Variants in ZSCAN30 observed in about 807,000 individuals in gnomAD.
The protein encoded by ZSCAN30 is zinc finger and SCAN domain containing 30.
A neutral mutation model predicts 44.3 loss-of-function variants in ZSCAN30; 37 were observed. The observed-to-expected ratio is 0.84, with a 90% CI of 0.64 to 1.10. ZSCAN30 has a LOEUF of 1.10. Among genes scored for constraint, ZSCAN30 ranks in the 50% least tolerant of loss-of-function variants. ZSCAN30 has a pLI of 0.00. For missense variants in ZSCAN30, 549 were observed against 582.6 expected, an observed-to-expected ratio of 0.94 and a Z score of 0.59; for synonymous variants, 181 against 204.6, an observed-to-expected ratio of 0.88 and a Z score of 0.98.
chr18:35,254,246 C>T lies in ZSCAN30; in HGVS notation c.689G>A (p.Gly230Glu). Residue 230 changes from glycine (G) to glutamate (E), a missense_variant, in exon 4 of 4, where the codon GGA (glycine) becomes GAA (glutamate). Gly to Glu is a moderately conservative substitution (Grantham distance 98, BLOSUM62 -2). Coordinates refer to ENST00000333206, the MANE Select transcript of ZSCAN30 (RefSeq NM_001112734.4). ...HSQRIAEEAL[G>E]GLDNSKKQKG... ...TTGCTTCTTAGAGTTGTCCAGACCT[C>T]CCAAAGCTTCTTCAGCTATCCGTTG... The T allele has an allele frequency of 5.6e-6, 9 of 1,614,140 alleles. No homozygotes were observed. Among genetic ancestry groups the T allele is most frequent in the Non-Finnish European group, 6.8e-6 (8 of 1,179,992 alleles).
chr18:35,263,483 C>T, intron 3 of ZSCAN30, 30 bp downstream of exon 3: 1 of 1,613,248 alleles, frequency 6.2e-7, no homozygotes. Context: ...CACCTCCATC[C>T]TCAACCCCAC....
chr18:35,264,506 T>C, intron 1 of ZSCAN30, 51 bp from the exon 2 acceptor site: 1 of 820,960 alleles, frequency 1.2e-6, no homozygotes, highest in Non-Finnish European at 1.8e-6. Flanking sequence ...GTACTTGGAA[T>C]ATAAATACAG....
intron 1 of ZSCAN30, among the ~76,000 whole-genome samples, chr18:35,271,214 C>G (rs778108624): frequency 6.6e-6 from 1 of 152,218 alleles, no homozygotes. Flanking sequence ...ATTCCCTTAT[C>G]TGGCCCCACC....
intron 1 of ZSCAN30, among the ~76,000 whole-genome samples, chr18:35,271,172 G>C (rs916870883): frequency 1.3e-5 from 2 of 152,158 alleles, no homozygotes; most frequent in Non-Finnish European, 2.9e-5. Flanking sequence ...ACCCCACCAG[G>C]TTCCTGCTGC....
intron 2 of ZSCAN30, 59 bp from the exon 3 acceptor site, chr18:35,263,716 A>C: frequency 6.3e-7 from 1 of 1,589,908 alleles, no homozygotes; most frequent in East Asian, 2.2e-5. Flanking sequence ...GAAAACTCCT[A>C]GAGCAACAGG....
chr18:35,271,930 G>A (rs530365366), intron 1 of ZSCAN30, among the ~76,000 whole-genome samples: 6 of 152,192 alleles, frequency 3.9e-5, no homozygotes, highest in South Asian at 2.1e-4. Flanking sequence ...GGCGCTGGCC[G>A]GCCGCTCCAA....
chr18:35,272,094 G>A (rs78521403), intron 1 of ZSCAN30, among the ~76,000 whole-genome samples: 10,874 of 152,324 alleles, frequency 0.071, 658 homozygotes, highest in East Asian at 0.24. Flanking sequence ...GCTGGCTGAA[G>A]GGCCCCTCAA....
intron 1 of ZSCAN30, among the ~76,000 whole-genome samples, chr18:35,272,713 G>A (rs2143742560): frequency 6.6e-6 from 1 of 152,294 alleles, no homozygotes; most frequent in East Asian, 1.9e-4. Context: ...ATTTTTAAGT[G>A]TACATTTCTG....
At position 35,254,395 on chromosome 18, in the gene ZSCAN30, TAG is replaced by T. The variant is rs765595698; in HGVS notation, c.554-16_554-15del. 1.5e-5 allele frequency: 25 copies of T among 1,613,964 alleles called. No individual in the cohort carries two copies. In the South Asian group the frequency reaches 2.4e-4, roughly 16 times the overall value. ...CCATCCTGCCATCTAAAAATGTGAATAGAAAGTGTAAGTATCATTTACTTCCC... is the reference window on the plus strand; with the variant it reads ...CCATCCTGCCATCTAAAAATGTGAATAAAGTGTAAGTATCATTTACTTCCC... On this transcript the variant is annotated splice_polypyrimidine_tract_variant and intron_variant, in intron 3 of 3. Transcript: ENST00000333206.
chr18:35,275,992 G>A (rs1394634122), intron 1 of ZSCAN30, among the ~76,000 whole-genome samples: 2 of 152,176 alleles, frequency 1.3e-5, no homozygotes, highest in Non-Finnish European at 2.9e-5. Flanking sequence ...ATGCTCAGAT[G>A]GATTCCTGGG....
chr18:35,283,941 A>C (rs2143779250), intron 1 of ZSCAN30: 1 of 152,498 alleles, frequency 6.6e-6, no homozygotes, highest in Admixed American at 6.5e-5. Flanking sequence ...GGCTGAGCAA[A>C]GTGAAGAGGA....
At chr18:35,267,469 C>T (rs531697710) in intron 1 of ZSCAN30, 1 of 137,502 alleles carries the variant, frequency 7.3e-6, no homozygotes, top group African/African-American at 2.6e-5. Context: ...TGGACCGCCC[C>T]ACTCACCCTT....
At chr18:35,274,207 T>G (rs1370376639) in intron 1 of ZSCAN30, among the ~76,000 whole-genome samples, 4 of 152,046 alleles carry the variant, frequency 2.6e-5, no homozygotes, top group African/African-American at 9.7e-5. Flanking sequence ...TTTTTGCTTG[T>G]TTTTTGTTTT....
chr18:35,281,186 G>A (rs2044449274), intron 1 of ZSCAN30: 1 of 152,192 alleles, frequency 6.6e-6, no homozygotes, highest in Non-Finnish European at 1.5e-5. Context: ...AATATTGGTG[G>A]TGGCCTATCA....
chr18:35,263,292 T>C, intron 3 of ZSCAN30: 1 of 523,476 alleles, frequency 1.9e-6, no homozygotes, highest in Non-Finnish European at 3.3e-6. Flanking sequence ...TTATGGGTAT[T>C]AGAGAATTTT....
At chr18:35,265,289 G>T (rs897722470) in intron 1 of ZSCAN30, among the ~76,000 whole-genome samples, 31 of 152,132 alleles carry the variant, frequency 2.0e-4, no homozygotes, top group Admixed American at 2.0e-3. Context: ...CCAAAAGAAG[G>T]GAACTCACAC....
At chr18:35,270,477 C>A (rs527636353) in intron 1 of ZSCAN30, among the ~76,000 whole-genome samples, 2 of 152,150 alleles carry the variant, frequency 1.3e-5, no homozygotes, top group African/African-American at 2.4e-5. Context: ...ATCACTAATT[C>A]TTTCTTTAGT....
At position 35,253,317 on chromosome 18, in the gene ZSCAN30, A is replaced by G; in HGVS notation, c.*133T>C. On this transcript the variant is annotated 3_prime_UTR_variant, in exon 4 of 4. Transcript: ENST00000333206. ...AATCATAACAAACATCTTTGTGTGC[A>G]TGTCTTCTTATAGTACCGAACTGGG... The G allele has an allele frequency of 1.6e-6, 1 of 623,340 alleles. No individual in the cohort carries two copies. The highest frequency in any genetic ancestry group is 1.8e-5 in the African/African-American group (1 of 54,586). The allele number at this position is 623,340 out of a possible 1,614,324, so 38.6% of individuals were successfully genotyped here. A position where few individuals can be genotyped will look rare whatever the true frequency, so the allele number is the denominator to read the frequency against.
intron 1 of ZSCAN30, among the ~76,000 whole-genome samples, chr18:35,270,932 T>A (rs1021651330): frequency 1.3e-5 from 2 of 152,186 alleles, no homozygotes; most frequent in African/African-American, 4.8e-5. Context: ...TGCAGAACTT[T>A]GCAGTGAGTG....
Sources: allele counts gnomAD v4.1 joint callset (sites outside exome capture counted in the v4.1 genomes callset), GRCh38; gene constraint gnomAD v4.1.1; transcripts MANE v1.5; gene names NCBI Gene and HGNC (gene_info 2026-07-23, HGNC 2026-07-21).